The following PGD variants were observed in gnomAD, a reference collection of about 807,000 sequenced individuals.
The protein encoded by PGD is phosphogluconate dehydrogenase.
PGD carries 21 observed loss-of-function variants against 60.4 expected under a neutral mutation model. That is an observed-to-expected ratio of 0.35 (90% CI 0.25 to 0.50). The LOEUF is 0.50. Among genes scored for constraint, PGD ranks in the 20% least tolerant of loss-of-function variants. PGD has a pLI of 0.98. For synonymous variants in PGD, 230 were observed against 235.9 expected (o/e 0.97, Z 0.23); for missense variants, 477 against 613.1 (o/e 0.78, Z 2.34).
At chr1:10,401,876 G>A (rs141107515) in intron 3 of PGD, among the ~76,000 whole-genome samples, 5,216 of 151,590 alleles carry the variant, frequency 0.034, 109 homozygotes, top group Middle Eastern at 0.13. Context: ...TTAGCCAGGC[G>A]TGGTGGTGGG....
chr1:10,403,806 T>G (rs1466289169), intron 4 of PGD, among the ~76,000 whole-genome samples: 1 of 152,222 alleles, frequency 6.6e-6, no homozygotes, highest in African/African-American at 2.4e-5. Flanking sequence ...TGCTCTGAAG[T>G]GCTGAATGGC....
chr1:10,402,164 A>C lies in PGD; in HGVS notation c.265-907A>C, dbSNP rs1315485028. 5.9e-5 allele frequency among the ~76,000 whole-genome samples: 9 copies of C among 152,172 alleles called. No homozygotes were observed. In the South Asian group the frequency reaches 1.4e-3, roughly 24 times the overall value. On this transcript the variant is annotated intron_variant, in intron 3 of 12. Transcript: ENST00000270776. Reference sequence around the variant, plus strand: ...TTGTCATAAAATCATTCATTCATACACTAAACCATTTGATATGTATTTACT... The same window carrying C: ...TTGTCATAAAATCATTCATTCATACCCTAAACCATTTGATATGTATTTACT...
At chr1:10,416,529 G>A (rs977438195) in intron 8 of PGD, among the ~76,000 whole-genome samples, 6 of 152,088 alleles carry the variant, frequency 3.9e-5, no homozygotes, top group African/African-American at 7.2e-5. Context: ...ATTTTCATGC[G>A]CATCCGTGTG....
Position 10,409,649 on chromosome 1 carries a change from CTTTTTTTTT to C in PGD, c.519+1527_519+1535del, listed in dbSNP as rs543426528. 9.3e-5 allele frequency among the ~76,000 whole-genome samples: 7 copies of C among 75,406 alleles called. No homozygotes were observed. In the East Asian group the frequency reaches 1.6e-3, roughly 17 times the overall value. 49.5% of individuals were successfully genotyped at this position (75,406 alleles called of 152,430 possible). On this transcript the variant is annotated intron_variant, in intron 6 of 12. Transcript: ENST00000270776. Reference sequence around the variant, plus strand: ...CTGCAATAAAAGTGAGTGGTAGCAACTTTTTTTTTTTTTTTTTTTTTTTTTTGAGACAGT... The same window carrying C: ...CTGCAATAAAAGTGAGTGGTAGCAACTTTTTTTTTTTTTTTTTGAGACAGT...
intron 3 of PGD, among the ~76,000 whole-genome samples, chr1:10,401,393 A>G (rs1569967623): frequency 6.6e-6 from 1 of 152,066 alleles, no homozygotes; most frequent in African/African-American, 2.4e-5. Context: ...AAACCCAGGC[A>G]CTCCCATTTA....
intron 11 of PGD, 66 bp downstream of exon 11, chr1:10,418,991 GTTTTTTGTTTTTTT>G (rs995878492): frequency 1.1e-6 from 1 of 893,704 alleles, no homozygotes; most frequent in African/African-American, 1.7e-5. Context: ...GTGATGTTTG[GTTTTTTGTTTTTTT>G]TTTTTGGTTT....
intron 1 of PGD, chr1:10,399,380 G>T: frequency 1.9e-6 from 1 of 516,650 alleles, no homozygotes; most frequent in Non-Finnish European, 3.3e-6. Context: ...GGCGCGGCCA[G>T]GCCTCGCCGA....
chr1:10,419,579 G>T (rs560262109), intron 12 of PGD, 40 bp downstream of exon 12: 2 of 1,613,800 alleles, frequency 1.2e-6, no homozygotes, highest in South Asian at 1.1e-5. Flanking sequence ...CTGGCCCCTC[G>T]GGGGCGTGCG....
intron 8 of PGD, among the ~76,000 whole-genome samples, chr1:10,414,637 A>G (rs1277764037): frequency 2.0e-5 from 3 of 151,938 alleles, no homozygotes; most frequent in Admixed American, 6.6e-5. Flanking sequence ...TCGGCTTCCA[A>G]AAGTGCTGGG....
chr1:10,405,242 G>A (rs35716098), intron 5 of PGD, among the ~76,000 whole-genome samples: 49,873 of 150,882 alleles, frequency 0.33, 8,344 homozygotes, highest in Middle Eastern at 0.38. Context: ...GCATGGTGGC[G>A]TGCGCCTGTA....
At position 10,420,209 on chromosome 1, in the gene PGD, A is replaced by G. The variant is rs1189761860; in HGVS notation, c.*460A>G. 6.4e-6 allele frequency: 1 copy of G among 156,112 alleles called. No homozygotes were observed. Among genetic ancestry groups the G allele is most frequent in the African/African-American group, 2.4e-5 (1 of 41,408 alleles). The allele number at this position is 156,112 out of a possible 1,614,324, so 9.7% of individuals were successfully genotyped here. A position where few individuals can be genotyped will look rare whatever the true frequency, so the allele number is the denominator to read the frequency against. Reference sequence around the variant, plus strand: ...GGAGCCATTATCCCCATTGGCAGAAAGATTTTTCTTTAAAAAAAAAGACTA... The same window carrying G: ...GGAGCCATTATCCCCATTGGCAGAAGGATTTTTCTTTAAAAAAAAAGACTA... On this transcript the variant is annotated 3_prime_UTR_variant, in exon 13 of 13. Transcript: ENST00000270776.
intron 1 of PGD, 27 bp downstream of exon 1, chr1:10,399,152 G>A: frequency 6.2e-7 from 1 of 1,607,386 alleles, no homozygotes; most frequent in Non-Finnish European, 8.5e-7. Context: ...GGGCAGCCCG[G>A]CTCGGCCTCA....
In PGD at chr1:10,401,172, T is replaced by G. The variant is rs567838409; in HGVS notation, c.264+600T>G. 8.5e-5 allele frequency among the ~76,000 whole-genome samples: 13 copies of G among 152,224 alleles called. No homozygotes were observed. In the South Asian group the frequency reaches 2.7e-3, roughly 32 times the overall value. ...GTGACCTGAGATTGTGCCACTCCAGTTTGGCGACAGAGCGAGACTCCGTCT... is the reference window on the plus strand; with the variant it reads ...GTGACCTGAGATTGTGCCACTCCAGGTTGGCGACAGAGCGAGACTCCGTCT... On this transcript the variant is annotated intron_variant, in intron 3 of 12. Transcript: ENST00000270776.
chr1:10,400,300 C>T (rs1430746541), intron 2 of PGD, 93 bp from the exon 3 acceptor site: 5 of 970,980 alleles, frequency 5.1e-6, no homozygotes, highest in African/African-American at 1.6e-5. Flanking sequence ...CTCCCCAGAA[C>T]TTGGGTTGAA....
intron 1 of PGD, 107 bp from the exon 2 acceptor site, chr1:10,399,522 A>G: frequency 2.0e-6 from 2 of 1,003,412 alleles, no homozygotes; most frequent in Admixed American, 1.9e-5. Flanking sequence ...GGCGCGGAGG[A>G]AAGTGCAGAC....
At chr1:10,400,640 CCTT>C (rs937263508) in intron 3 of PGD, 68 bp downstream of exon 3, 17 of 1,265,398 alleles carry the variant, frequency 1.3e-5, no homozygotes, top group Non-Finnish European at 1.8e-5. Context: ...CTTTAGTTCT[CCTT>C]CTTTTAACTC....
intron 2 of PGD, among the ~76,000 whole-genome samples, 198 bp from the exon 3 acceptor site, chr1:10,400,195 C>T (rs923255727): frequency 6.6e-6 from 1 of 152,194 alleles, no homozygotes; most frequent in Non-Finnish European, 1.5e-5. Context: ...TTGGCCTTCG[C>T]CTCGGTTGTC....
rs1397265121 is a variant in PGD, at chr1:10,399,074, T to C, written c.-44T>C. On this transcript the variant is annotated 5_prime_UTR_variant, in exon 1 of 13. Coordinates refer to ENST00000270776, the MANE Select transcript of PGD (RefSeq NM_002631.4). ...CCGCTGCGGGTCTTTCCCTCACTCG[T>C]CCTCCGCGCGTCGCCGCTCTTCGGT... 1.2e-6 allele frequency: 2 copies of C among 1,608,432 alleles called. No individual in the cohort carries two copies. Among genetic ancestry groups the C allele is most frequent in the Non-Finnish European group, 1.7e-6 (2 of 1,179,450 alleles).
intron 6 of PGD, among the ~76,000 whole-genome samples, chr1:10,408,818 A>G (rs1481128568): frequency 6.6e-6 from 1 of 152,220 alleles, no homozygotes; most frequent in Non-Finnish European, 1.5e-5. Context: ...CATGTCACCC[A>G]GGCTGGTCTC....
Sources: gnomAD v4.1 joint callset for allele counts (sites outside exome capture counted in the v4.1 genomes callset) on GRCh38, gnomAD v4.1.1 for gene constraint, MANE v1.5 for transcripts, NCBI Gene and HGNC (gene_info 2026-07-23, HGNC 2026-07-21) for gene names.